ARID1B: variants seen among roughly 807,000 people sequenced by gnomAD.
The protein encoded by ARID1B is AT-rich interaction domain 1B, also known as AT-rich interactive domain-containing protein 1B.
ARID1B carries 30 observed loss-of-function variants against 212.3 expected under a neutral mutation model. The ratio of observed to expected loss-of-function variants is 0.14; its 90% CI spans 0.11 to 0.19. The LOEUF is 0.19. Ranked by LOEUF, ARID1B falls within the 10% of genes least tolerant of loss-of-function variation. The pLI, the probability that ARID1B is intolerant of heterozygous loss-of-function variation, is 1.00. For missense variants in ARID1B, 2,891 were observed against 3,204.0 expected, an observed-to-expected ratio of 0.90 and a Z score of 2.36; for synonymous variants, 1,402 against 1,301.7, an observed-to-expected ratio of 1.08 and a Z score of -1.66.
intron 2 of ARID1B, among the ~76,000 whole-genome samples, chr6:156,863,366 G>T (rs1384000508): frequency 6.6e-6 from 1 of 152,244 alleles, no homozygotes; most frequent in East Asian, 1.9e-4. Context: ...GGATGGGTGA[G>T]CAGGAGACTT....
chr6:156,846,556 C>T (rs569202849), intron 2 of ARID1B, among the ~76,000 whole-genome samples: 4 of 152,150 alleles, frequency 2.6e-5, no homozygotes, highest in East Asian at 1.9e-4. Context: ...TGTGTGTGGA[C>T]GGGGCTGCGG....
chr6:157,044,601 A>G (rs1782104314), intron 4 of ARID1B, among the ~76,000 whole-genome samples: 2 of 152,182 alleles, frequency 1.3e-5, no homozygotes, highest in African/African-American at 4.8e-5. Context: ...AGAGGGCTCC[A>G]GTTTGAATTG....
At chr6:156,814,972 TAGTG>T (rs1284600290) in intron 1 of ARID1B, among the ~76,000 whole-genome samples, 5 of 152,104 alleles carry the variant, frequency 3.3e-5, no homozygotes, top group African/African-American at 1.2e-4. Flanking sequence ...AAATATTAAA[TAGTG>T]AGCAAGAAAT....
At chr6:156,821,252 G>A (rs1210801235) in intron 1 of ARID1B, among the ~76,000 whole-genome samples, 1 of 152,200 alleles carries the variant, frequency 6.6e-6, no homozygotes, top group African/African-American at 2.4e-5. Flanking sequence ...TTAGTCAGCT[G>A]TTGGTGGGGA....
chr6:156,906,628 C>T (rs571494696), intron 3 of ARID1B, among the ~76,000 whole-genome samples: 2 of 146,750 alleles, frequency 1.4e-5, no homozygotes, highest in East Asian at 4.0e-4. Flanking sequence ...TTGTCATCAG[C>T]AAGTGGCCTT....
rs747790383 is a variant in ARID1B, at chr6:156,778,889, CGGAGGAGGA to C, written c.1226_1234del (p.Gly409_Gly411del). On this transcript the variant is annotated inframe_deletion, in exon 1 of 20. Transcript: ENST00000636930. ...GCGGCGGCGGAGGAGGAGGAGGCAG[CGGAGGAGGA>C]GGAGGAGGAGGAGGAGCAGGAGCAG... 2.8e-4 allele frequency: 386 copies of C among 1,366,510 alleles called. No individual in the cohort carries two copies. The highest frequency in any genetic ancestry group is 4.5e-4 in the South Asian group (26 of 57,248). 84.6% of individuals were successfully genotyped at this position (1,366,510 alleles called of 1,614,324 possible). A position where few individuals can be genotyped will look rare whatever the true frequency, so the allele number is the denominator to read the frequency against.
chr6:156,947,628 G>A lies in ARID1B; in HGVS notation c.2247+12052G>A, dbSNP rs147507013. ...GAAAGATTACTCTGAACTCTGAAGG[G>A]CTAATTTAAAAAAAAAAAAAAAATC... On this transcript the variant is annotated intron_variant, in intron 4 of 19. Transcript: ENST00000636930. Among the ~76,000 whole-genome samples the A allele has an allele frequency of 2.3e-3, 324 of 138,844 alleles. 3 individuals carry two copies. The highest frequency in any genetic ancestry group is 7.4e-3 in the African/African-American group (273 of 37,080). The allele number at this position is 138,844 out of a possible 152,430, so 91.1% of individuals were successfully genotyped here.
chr6:156,901,616 A>G, intron 3 of ARID1B, 91 bp downstream of exon 3: 11 of 1,444,008 alleles, frequency 7.6e-6, no homozygotes, highest in African/African-American at 1.4e-5. Flanking sequence ...ATTAAAAATT[A>G]TGTTCTGGTG....
Position 156,955,359 on chromosome 6 carries a change from G to A in ARID1B, c.2247+19783G>A, listed in dbSNP as rs1051554407. Among the ~76,000 whole-genome samples, 9 of 152,140 alleles carry A rather than the reference G, an allele frequency of 5.9e-5. No homozygotes were observed. The highest frequency in any genetic ancestry group is 1.4e-4 in the African/African-American group (6 of 41,420). The stretch of plus-strand genomic sequence containing the variant: ...AACCTAGAGCTACTGTATGTTCCAG[G>A]CCATACATTACATATTAACCACAAT... On this transcript the variant is annotated intron_variant, in intron 4 of 19. Coordinates refer to ENST00000636930, the MANE Select transcript of ARID1B (RefSeq NM_001374828.1). This position sits in a 1 kb window ranked among gnomAD's most constrained non-coding sequence, Gnocchi z 4.2.
intron 4 of ARID1B, among the ~76,000 whole-genome samples, chr6:157,082,940 G>A (rs1784729827): frequency 6.6e-6 from 1 of 152,154 alleles, no homozygotes; most frequent in South Asian, 2.1e-4. Flanking sequence ...TTTAGAATAT[G>A]ATTTTTAAAG....
chr6:156,984,416 G>A (rs1777799278), intron 4 of ARID1B, among the ~76,000 whole-genome samples: 1 of 152,034 alleles, frequency 6.6e-6, no homozygotes, highest in African/African-American at 2.4e-5. Context: ...CAGAATACTG[G>A]GAAAAAAAGG....
intron 4 of ARID1B, chr6:156,937,217 GAGAAGGAGAGAGAC>G (rs1792316540): frequency 6.6e-6 from 1 of 152,204 alleles, no homozygotes; most frequent in South Asian, 2.1e-4. Flanking sequence ...GTGAGAGAGA[GAGAAGGAGAGAGAC>G]AGAGGCATGC....
chr6:157,075,096 A>G (rs890545452), intron 4 of ARID1B, among the ~76,000 whole-genome samples: 12 of 152,330 alleles, frequency 7.9e-5, no homozygotes, highest in African/African-American at 2.9e-4. Flanking sequence ...ATTATTATGT[A>G]AAATTGCACT....
chr6:156,838,728 A>T (rs982494666), intron 2 of ARID1B, among the ~76,000 whole-genome samples: 1 of 150,132 alleles, frequency 6.7e-6, no homozygotes, highest in Non-Finnish European at 1.5e-5. Context: ...AATAATAATA[A>T]TAATAAACAA....
chr6:157,206,291 G>A lies in ARID1B; in HGVS notation c.5519G>A (p.Arg1840Lys), dbSNP rs2128391613. The A allele has an allele frequency of 6.2e-7, 1 of 1,614,236 alleles. No individual in the cohort carries two copies. The highest frequency in any genetic ancestry group is 1.3e-5 in the African/African-American group (1 of 75,060). ...SQKALDHNAA[R>K]KDDSQSLADD... ...AAAGCACTTGATCACAACGCAGCAA[G>A]GAAGGATGACAGCCAGTCCTTGGCA... is the stretch of plus-strand genomic sequence containing the variant. The change falls in exon 20 of 20, where the codon AGG becomes AAG. Residue 1840 changes from arginine (R) to lysine (K), a missense_variant. Arg to Lys is a conservative substitution (Grantham distance 26). Transcript: ENST00000636930. This position sits in a 1 kb window ranked among gnomAD's most constrained non-coding sequence, Gnocchi z 6.8.
At chr6:156,952,747 A>G (rs1398378349) in intron 4 of ARID1B, among the ~76,000 whole-genome samples, 1 of 152,254 alleles carries the variant, frequency 6.6e-6, no homozygotes, top group East Asian at 1.9e-4. Context: ...TTTTGAGCCT[A>G]AAACCATACA....
intron 4 of ARID1B, among the ~76,000 whole-genome samples, chr6:157,050,376 T>C (rs1461976437): frequency 6.6e-6 from 1 of 152,064 alleles, no homozygotes; most frequent in Non-Finnish European, 1.5e-5. Context: ...AAACCCCGTC[T>C]CTACTAAAAA....
At chr6:156,903,348 T>C (rs1562473522) in intron 3 of ARID1B, among the ~76,000 whole-genome samples, 1 of 152,236 alleles carries the variant, frequency 6.6e-6, no homozygotes, top group Non-Finnish European at 1.5e-5. Context: ...ACCATGACTT[T>C]TTAAAGTAAT....
In ARID1B at chr6:157,160,276, T is replaced by C. The variant is rs1480688914; in HGVS notation, c.3090-6764T>C. On this transcript the variant is annotated intron_variant, in intron 8 of 19. Coordinates refer to ENST00000636930, the MANE Select transcript of ARID1B (RefSeq NM_001374828.1). ...CAGAGGCCTGTCCAAAGCCAAACCC[T>C]GTCCACATGTCCAAAACTAAGCCCA... Among the ~76,000 whole-genome samples, 5 of 152,220 alleles carry C rather than the reference T, an allele frequency of 3.3e-5. No individual in the cohort carries two copies. In the East Asian group the frequency reaches 9.6e-4, roughly 29 times the overall value.
Sources: allele counts gnomAD v4.1 joint callset (sites outside exome capture counted in the v4.1 genomes callset), GRCh38; gene constraint gnomAD v4.1.1; non-coding constraint Gnocchi (gnomAD v3.1); transcripts MANE v1.5; gene names NCBI Gene and HGNC (gene_info 2026-07-23, HGNC 2026-07-21).